NCALD: variants seen among roughly 807,000 people sequenced by gnomAD.
NCALD encodes the protein neurocalcin delta.
In NCALD, 10 loss-of-function variants were observed where a neutral mutation model predicts 18.6. The observed-to-expected ratio is 0.54, with a 90% CI of 0.33 to 0.91. The LOEUF is 0.91. Ranked by LOEUF, NCALD falls within the 40% of genes least tolerant of loss-of-function variation. The probability of loss-of-function intolerance (pLI) is 0.03; values close to 1 mark genes in which losing one functional copy is unlikely to be tolerated. For synonymous variants in NCALD, 88 were observed against 87.4 expected, an observed-to-expected ratio of 1.01 and a Z score of -0.04; for missense variants, 184 against 247.6, an observed-to-expected ratio of 0.74 and a Z score of 1.72.
chr8:101,900,210 C>G (rs948259365), intron 3 of NCALD, among the ~76,000 whole-genome samples: 2 of 151,872 alleles, frequency 1.3e-5, no homozygotes, highest in Admixed American at 1.3e-4. Context: ...GTGATGTCCC[C>G]TTTGTAATTC....
At chr8:101,730,300 T>C (rs1033126768) in intron 1 of NCALD, among the ~76,000 whole-genome samples, 2 of 151,572 alleles carry the variant, frequency 1.3e-5, no homozygotes, top group Non-Finnish European at 2.9e-5. Flanking sequence ...GCCAACATGG[T>C]GAAACCCCGT....
intron 2 of NCALD, among the ~76,000 whole-genome samples, chr8:101,920,398 ATCAT>A (rs1818120222): frequency 6.6e-6 from 1 of 152,230 alleles, no homozygotes; most frequent in African/African-American, 2.4e-5. Context: ...AAGAAAATAA[ATCAT>A]TCTACCAAAA....
chr8:101,784,369 C>G (rs577618146), intron 1 of NCALD, among the ~76,000 whole-genome samples: 1 of 152,198 alleles, frequency 6.6e-6, no homozygotes, highest in East Asian at 1.9e-4. Flanking sequence ...AAATTGTATT[C>G]TTTTTATGAT....
At chr8:101,761,472 T>C (rs113407364) in intron 1 of NCALD, among the ~76,000 whole-genome samples, 13 of 152,310 alleles carry the variant, frequency 8.5e-5, no homozygotes, top group East Asian at 5.8e-4. Context: ...TGGGATTGAA[T>C]AGTGTTTGGT....
chr8:101,865,293 T>C (rs1442707687), intron 4 of NCALD, among the ~76,000 whole-genome samples: 1 of 152,202 alleles, frequency 6.6e-6, no homozygotes, highest in Non-Finnish European at 1.5e-5. Context: ...GTTGTGTTTG[T>C]TGGAGTTTGA....
intron 2 of NCALD, among the ~76,000 whole-genome samples, chr8:102,009,745 T>C (rs1821840421): frequency 6.6e-6 from 1 of 152,222 alleles, no homozygotes; most frequent in Non-Finnish European, 1.5e-5. Flanking sequence ...CGTCTTTCTG[T>C]CTGGAGAAAT....
intron 1 of NCALD, among the ~76,000 whole-genome samples, chr8:102,053,989 T>C (rs1349089878): frequency 6.6e-6 from 1 of 152,126 alleles, no homozygotes; most frequent in Non-Finnish European, 1.5e-5. Context: ...CATATGTGAT[T>C]CTTACACAGT....
chr8:102,069,409 TA>T (rs1327097378), intron 1 of NCALD, among the ~76,000 whole-genome samples: 1 of 152,164 alleles, frequency 6.6e-6, no homozygotes, highest in Non-Finnish European at 1.5e-5. Context: ...AGGTAAACAA[TA>T]CTCTTGATTT....
At chr8:101,888,963 C>A (rs1002531070) in intron 3 of NCALD, among the ~76,000 whole-genome samples, 40 of 152,086 alleles carry the variant, frequency 2.6e-4, no homozygotes, top group Admixed American at 1.4e-3. Context: ...TTGATTTTGT[C>A]CAGGGCAGGA....
At chr8:101,886,892 C>A (rs1586694411) in intron 4 of NCALD, among the ~76,000 whole-genome samples, 1 of 152,040 alleles carries the variant, frequency 6.6e-6, no homozygotes. Flanking sequence ...AAGGTTTCCG[C>A]TTAATCAGTC....
chr8:101,874,385 A>G (rs912257643), intron 4 of NCALD, among the ~76,000 whole-genome samples: 2 of 151,988 alleles, frequency 1.3e-5, no homozygotes, highest in African/African-American at 4.8e-5. Flanking sequence ...CAAATAAGTA[A>G]TGGCCCACGA....
chr8:101,884,547 T>C (rs1816606448), intron 4 of NCALD, among the ~76,000 whole-genome samples: 1 of 152,214 alleles, frequency 6.6e-6, no homozygotes, highest in African/African-American at 2.4e-5. Context: ...AGTTAGTAGG[T>C]ACTTAGTCAA....
At chr8:102,048,648 T>C (rs901224306) in intron 1 of NCALD, among the ~76,000 whole-genome samples, 5 of 152,226 alleles carry the variant, frequency 3.3e-5, no homozygotes, top group Non-Finnish European at 5.9e-5. Context: ...ACATGACATG[T>C]ATATGTGTGT....
intron 3 of NCALD, among the ~76,000 whole-genome samples, chr8:101,904,834 C>T (rs1248606748): frequency 1.3e-5 from 2 of 152,112 alleles, no homozygotes; most frequent in African/African-American, 4.8e-5. Flanking sequence ...CCTTCTGAAA[C>T]CCACTCTGCC....
chr8:101,913,977 C>T (rs758219427), intron 3 of NCALD, among the ~76,000 whole-genome samples: 3 of 152,216 alleles, frequency 2.0e-5, no homozygotes, highest in Non-Finnish European at 4.4e-5. Context: ...ACCCCATACC[C>T]AGTTTTCCCA....
chr8:101,693,318 GTTTTTTTTTTTTTTTTTTTT>G (rs71276999), intron 2 of NCALD: 55 of 60,034 alleles, frequency 9.2e-4, no homozygotes, highest in South Asian at 9.8e-4. Context: ...CACACAGGGC[GTTTTTTTTTTTTTTTTTTTT>G]TTTTTTTTTT....
At chr8:101,991,473 T>C (rs34708022) in intron 2 of NCALD, among the ~76,000 whole-genome samples, 68,649 of 152,008 alleles carry the variant, frequency 0.45, 15,785 homozygotes, top group Middle Eastern at 0.53. Flanking sequence ...GAATGAAATT[T>C]GGGGAGGAAG....
intron 1 of NCALD, among the ~76,000 whole-genome samples, chr8:102,067,978 A>T (rs1824062180): frequency 6.6e-6 from 1 of 151,958 alleles, no homozygotes; most frequent in South Asian, 2.1e-4. Context: ...TTGCATTTCC[A>T]TTTCCAGTCC....
chr8:102,117,818 G>A (rs1318267388), intron 1 of NCALD, among the ~76,000 whole-genome samples: 1 of 152,174 alleles, frequency 6.6e-6, no homozygotes, highest in Non-Finnish European at 1.5e-5. Flanking sequence ...TGACAGCCAA[G>A]CCAAGTTTGT....
Sources: gnomAD v4.1 joint callset for allele counts (sites outside exome capture counted in the v4.1 genomes callset) on GRCh38, gnomAD v4.1.1 for gene constraint, MANE v1.5 for transcripts, NCBI Gene and HGNC (gene_info 2026-07-23, HGNC 2026-07-21) for gene names.